The following OTUD7A variants were observed in gnomAD, a reference collection of about 807,000 sequenced individuals.
OTUD7A encodes the protein OTU domain-containing protein 7A.
Under a neutral mutation model 65.7 loss-of-function variants are expected in OTUD7A, and 12 were observed. The ratio of observed to expected loss-of-function variants is 0.18; its 90% CI spans 0.12 to 0.30. The LOEUF is 0.30. Ranked by LOEUF, OTUD7A falls within the 10% of genes least tolerant of loss-of-function variation. The pLI is 1.00. For missense variants in OTUD7A, 1,148 were observed against 1,304.8 expected (o/e 0.88, Z 1.85); for synonymous variants, 641 against 586.3 (o/e 1.09, Z -1.35).
intron 1 of OTUD7A, among the ~76,000 whole-genome samples, chr15:31,763,808 C>T (rs538979175): frequency 4.9e-4 from 75 of 152,176 alleles, no homozygotes; most frequent in Non-Finnish European, 8.7e-4. Flanking sequence ...GAAAAATCAC[C>T]GCATTATAAA....
At chr15:31,615,822 C>T (rs946288967) in intron 3 of OTUD7A, among the ~76,000 whole-genome samples, 7 of 152,204 alleles carry the variant, frequency 4.6e-5, no homozygotes, top group African/African-American at 7.2e-5. Flanking sequence ...CAGGTACCAA[C>T]AGAGACCCCA....
Position 31,483,555 on chromosome 15 carries a change from C to T in OTUD7A, c.2541G>A (p.Thr847=). The change falls in exon 13 of 13, where the codon ACG becomes ACA. Residue 847 remains threonine (T), a synonymous_variant. Transcript: ENST00000307050. ...VPGALPGAAG[T]AGAAEHKSQT... ...GCGACTTGTGCTCGGCCGCCCCCGC[C>T]GTCCCCGCCGCGCCCGGTAGGGCCC... 3.8e-6 allele frequency: 5 copies of T among 1,310,574 alleles called. No homozygotes were observed. Among genetic ancestry groups the T allele is most frequent in the Non-Finnish European group, 4.9e-6 (5 of 1,027,092 alleles). 81.2% of individuals were successfully genotyped at this position (1,310,574 alleles called of 1,614,324 possible).
chr15:31,822,930 G>A (rs884682), intron 1 of OTUD7A, among the ~76,000 whole-genome samples: 2,983 of 152,224 alleles, frequency 0.02, 108 homozygotes, highest in African/African-American at 0.068. Context: ...TAAATTCTCA[G>A]AATAAAACCT....
chr15:31,484,854 T>C lies in OTUD7A; in HGVS notation c.1372-130A>G. ...GGACCTTCACTGTCCCAGTCCCCAC[T>C]GTCGCTCTGGTGACTGTGACATCCG... is the stretch of plus-strand genomic sequence containing the variant. On this transcript the variant is annotated intron_variant, in intron 12 of 12. Coordinates refer to ENST00000307050, the MANE Select transcript of OTUD7A (RefSeq NM_001382637.1). This position sits in a 1 kb window ranked among gnomAD's most constrained non-coding sequence, Gnocchi z 4.5. The C allele has an allele frequency of 7.0e-7, 1 of 1,438,748 alleles. No individual in the cohort carries two copies. The highest frequency in any genetic ancestry group is 9.2e-7 in the Non-Finnish European group (1 of 1,091,498). 89.1% of individuals were successfully genotyped at this position (1,438,748 alleles called of 1,614,324 possible).
At chr15:31,769,069 T>C (rs1241676941) in intron 1 of OTUD7A, among the ~76,000 whole-genome samples, 1 of 152,202 alleles carries the variant, frequency 6.6e-6, no homozygotes, top group Non-Finnish European at 1.5e-5. Flanking sequence ...ACATCGATTA[T>C]TGGAATGAAT....
rs553989077 is a variant in OTUD7A at position 31,575,371 on chromosome 15, T to C, written c.152-5174A>G. On this transcript the variant is annotated intron_variant, in intron 3 of 12. Coordinates refer to ENST00000307050, the MANE Select transcript of OTUD7A (RefSeq NM_001382637.1). ...CCAAAGTACATATGAAAACAGAAGA[T>C]ATAAGAGGTATGAATATCTGCATAG... is the stretch of plus-strand genomic sequence containing the variant. Among the ~76,000 whole-genome samples, 122 of 152,276 alleles carry C rather than the reference T, an allele frequency of 8.0e-4. 1 individual carries two copies. Among genetic ancestry groups the C allele is most frequent in the Non-Finnish European group, 1.0e-3 (68 of 68,010 alleles).
Position 31,860,622 on chromosome 15 carries a change from G to GATAAATATATATATATATATATATAT in OTUD7A, c.-100+9884_-100+9885insATATATATATATATATATATATTTAT, listed in dbSNP as rs59869625. Among the ~76,000 whole-genome samples the GATAAATATATATATATATATATATAT allele has an allele frequency of 4.5e-3, 122 of 26,838 alleles. 5 individuals carry two copies. Among genetic ancestry groups the GATAAATATATATATATATATATATAT allele is most frequent in the African/African-American group, 9.8e-3 (118 of 12,012 alleles). 17.6% of individuals were successfully genotyped at this position (26,838 alleles called of 152,430 possible). ...TATTCTCCTCGACCCCAGAAGTGGA[G>GATAAATATATATATATATATATATAT]ATATATATATATATATATATATGTA... On this transcript the variant is annotated intron_variant, in intron 1 of 12. Transcript: ENST00000307050.
chr15:31,653,839 G>A (rs1891912433), intron 3 of OTUD7A, among the ~76,000 whole-genome samples: 1 of 151,890 alleles, frequency 6.6e-6, no homozygotes, highest in South Asian at 2.1e-4. Context: ...TAATACTGAT[G>A]TTAGTACTAA....
At chr15:31,663,919 C>T (rs973343664) in intron 1 of OTUD7A, among the ~76,000 whole-genome samples, 12 of 152,226 alleles carry the variant, frequency 7.9e-5, no homozygotes, top group African/African-American at 1.4e-4. Context: ...TGAGAACATA[C>T]GATGTTTGGT....
At chr15:31,795,008 G>A (rs192638704) in intron 1 of OTUD7A, among the ~76,000 whole-genome samples, 9 of 152,096 alleles carry the variant, frequency 5.9e-5, no homozygotes, top group African/African-American at 1.2e-4. Flanking sequence ...AGATTACTGC[G>A]GCTATAAATC....
At chr15:31,821,666 T>C (rs150970594) in intron 1 of OTUD7A, among the ~76,000 whole-genome samples, 3 of 152,336 alleles carry the variant, frequency 2.0e-5, no homozygotes, top group East Asian at 3.9e-4. Flanking sequence ...GGAAATTCTA[T>C]GTTTAATTTT....
At chr15:31,776,570 C>T (rs994536141) in intron 1 of OTUD7A, among the ~76,000 whole-genome samples, 3 of 152,158 alleles carry the variant, frequency 2.0e-5, no homozygotes, top group African/African-American at 7.2e-5. Context: ...TATGTGGGGA[C>T]AGGGGCATCC....
chr15:31,794,387 G>A (rs1251927003), intron 1 of OTUD7A, among the ~76,000 whole-genome samples: 5 of 151,832 alleles, frequency 3.3e-5, no homozygotes, highest in African/African-American at 4.8e-5. Flanking sequence ...ATTATTTAAT[G>A]TTCCTATCAC....
chr15:31,483,856 C>G lies in OTUD7A; in HGVS notation c.2240G>C (p.Gly747Ala), dbSNP rs2041181726. The G allele has an allele frequency of 1.0e-6, 1 of 983,982 alleles. No individual in the cohort carries two copies. Among genetic ancestry groups the G allele is most frequent in the Non-Finnish European group, 1.2e-6 (1 of 831,140 alleles). The allele number at this position is 983,982 out of a possible 1,614,324, so 61.0% of individuals were successfully genotyped here. A position where few individuals can be genotyped will look rare whatever the true frequency, so the allele number is the denominator to read the frequency against. ...GCCTCCCCCCGGGGAGGCCGTGCCG[C>G]CCGCCGCCGCCCGCGCCGCACGCCC... is the stretch of plus-strand genomic sequence containing the variant. The part of the protein sequence containing the change: ...AAGRAARAAA[G>A]GTASPGGGAR... The change falls in exon 13 of 13, where the codon GGC (glycine) becomes GCC (alanine). Residue 747 changes from glycine (G) to alanine (A), a missense_variant. Gly to Ala is a moderately conservative substitution (Grantham distance 60, BLOSUM62 0). This residue lies in a region of OTUD7A where 842 missense variants were observed against 769.5 expected (regional missense o/e 1.09). Transcript: ENST00000307050.
intron 8 of OTUD7A, among the ~76,000 whole-genome samples, chr15:31,513,411 C>A (rs2041790984): frequency 6.6e-6 from 1 of 152,228 alleles, no homozygotes; most frequent in South Asian, 2.1e-4. Flanking sequence ...AATCACCAGA[C>A]CCCACGTGTG....
chr15:31,515,818 T>TATCC lies in OTUD7A; in HGVS notation c.893+10527_893+10530dup, dbSNP rs530450665. Among the ~76,000 whole-genome samples the TATCC allele has an allele frequency of 2.0e-4, 29 of 144,904 alleles. 2 individuals carry two copies. Among genetic ancestry groups the TATCC allele is most frequent in the African/African-American group, 3.6e-4 (14 of 38,626 alleles). ...CTGTCCATCCACCCACATGTCCATC[T>TATCC]ATCCATCCATCCATCCATCTGTCCA... On this transcript the variant is annotated intron_variant, in intron 8 of 12. Coordinates refer to ENST00000307050, the MANE Select transcript of OTUD7A (RefSeq NM_001382637.1).
intron 1 of OTUD7A, among the ~76,000 whole-genome samples, chr15:31,704,173 G>A (rs940651646): frequency 4.6e-4 from 57 of 124,222 alleles, no homozygotes; most frequent in African/African-American, 1.6e-3. Flanking sequence ...TTGGACCATA[G>A]TTTTGCACAA....
At chr15:31,527,057 G>C in intron 7 of OTUD7A, 124 bp downstream of exon 7, 6 of 1,387,340 alleles carry the variant, frequency 4.3e-6, no homozygotes, top group Non-Finnish European at 5.8e-6. Flanking sequence ...TGATCCCAGG[G>C]GCTGTTTCTG....
At chr15:31,504,867 G>C (rs544652957) in intron 8 of OTUD7A, among the ~76,000 whole-genome samples, 3 of 149,500 alleles carry the variant, frequency 2.0e-5, no homozygotes, top group African/African-American at 7.4e-5. Context: ...TACTACCCAT[G>C]TTTTTTCTTT....
Sources: allele counts gnomAD v4.1 joint callset (sites outside exome capture counted in the v4.1 genomes callset), GRCh38; gene constraint gnomAD v4.1.1; regional missense constraint gnomAD v4.1.1; non-coding constraint Gnocchi (gnomAD v3.1); transcripts MANE v1.5; gene names NCBI Gene and HGNC (gene_info 2026-07-23, HGNC 2026-07-21).